Variants in DNAJC1 observed in about 807,000 individuals in gnomAD.
DNAJC1 encodes DnaJ heat shock protein family (Hsp40) member C1, also known as dnaJ homolog subfamily C member 1.
Under a neutral mutation model 76.6 loss-of-function variants are expected in DNAJC1, and 58 were observed. The ratio of observed to expected loss-of-function variants is 0.76; its 90% confidence interval spans 0.61 to 0.94. The LOEUF (loss-of-function observed/expected upper bound fraction) is 0.94, where lower values mean the gene tolerates loss of function less well. Ranked by LOEUF, DNAJC1 falls within the 40% of genes least tolerant of loss-of-function variation. The pLI, the probability that DNAJC1 is intolerant of heterozygous loss-of-function variation, is 0.00. For missense variants in DNAJC1, 689 were observed against 677.3 expected (o/e 1.02, Z -0.19); for synonymous variants, 258 against 267.9 (o/e 0.96, Z 0.36).
chr10:21,931,071 A>G (rs1837213757), intron 1 of DNAJC1, among the ~76,000 whole-genome samples: 1 of 152,184 alleles, frequency 6.6e-6, no homozygotes, highest in African/African-American at 2.4e-5. Context: ...TTTTTCTGCC[A>G]CCATATGTAC....
intron 1 of DNAJC1, among the ~76,000 whole-genome samples, chr10:21,991,281 A>T (rs1838323061): frequency 6.6e-6 from 1 of 152,180 alleles, no homozygotes. Flanking sequence ...ATATACTGTT[A>T]ATAAATAACA....
chr10:21,931,474 T>C (rs572391422), intron 1 of DNAJC1, among the ~76,000 whole-genome samples: 5 of 152,208 alleles, frequency 3.3e-5, no homozygotes, highest in Non-Finnish European at 5.9e-5. Flanking sequence ...AACTAGCTTA[T>C]GTATTTATTT....
intron 9 of DNAJC1, chr10:21,785,707 G>C (rs1167950025): frequency 6.6e-6 from 1 of 152,170 alleles, no homozygotes; most frequent in Admixed American, 6.5e-5. Flanking sequence ...CAGAGGAAAA[G>C]GCAAAGTACT....
At chr10:21,795,291 C>T (rs1036947919) in intron 9 of DNAJC1, among the ~76,000 whole-genome samples, 2 of 152,124 alleles carry the variant, frequency 1.3e-5, no homozygotes, top group African/African-American at 2.4e-5. Context: ...TATTTATGCA[C>T]ACAAATATTG....
chr10:21,759,242 C>A lies in DNAJC1; in HGVS notation c.1524G>T (p.Ala508=). 6.2e-7 allele frequency: 1 copy of A among 1,614,200 alleles called. No individual in the cohort carries two copies. Among genetic ancestry groups the A allele is most frequent in the South Asian group, 1.1e-5 (1 of 91,080 alleles). ...AGGATCCCCTTGGGTACTGCTGCAA[C>A]GCCAGTTCCAGAAGTTTCTGTTGAT... ...TQNQQKLLEL[A]LQQYPRGSSD... The change falls in exon 11 of 12, where the codon GCG becomes GCT. Residue 508 remains alanine, a synonymous_variant. Transcript: ENST00000376980.
At chr10:21,856,394 A>G (rs1036482601) in intron 8 of DNAJC1, among the ~76,000 whole-genome samples, 3 of 152,134 alleles carry the variant, frequency 2.0e-5, no homozygotes, top group African/African-American at 4.8e-5. Context: ...ATTTACATCT[A>G]TTGTTGTGTA....
intron 4 of DNAJC1, among the ~76,000 whole-genome samples, chr10:21,920,457 G>A (rs1019780261): frequency 2.6e-5 from 4 of 151,314 alleles, no homozygotes; most frequent in African/African-American, 9.7e-5. Context: ...TTATATAAAG[G>A]CCTGTGACAC....
At chr10:22,000,337 T>C (rs1244009108) in intron 1 of DNAJC1, among the ~76,000 whole-genome samples, 1 of 152,200 alleles carries the variant, frequency 6.6e-6, no homozygotes, top group African/African-American at 2.4e-5. Context: ...TCAAATCATG[T>C]ATCTTTTCTG....
intron 1 of DNAJC1, among the ~76,000 whole-genome samples, chr10:21,935,475 A>G (rs1420630524): frequency 6.6e-6 from 1 of 152,132 alleles, no homozygotes; most frequent in African/African-American, 2.4e-5. Flanking sequence ...AACAAAGCCT[A>G]AGAGACCTGT....
At chr10:21,864,473 C>A (rs1835964021) in intron 8 of DNAJC1, among the ~76,000 whole-genome samples, 1 of 151,614 alleles carries the variant, frequency 6.6e-6, no homozygotes, top group South Asian at 2.1e-4. Context: ...ATACAAAAAA[C>A]TAGCCGAGCG....
intron 9 of DNAJC1, among the ~76,000 whole-genome samples, chr10:21,783,294 A>G (rs1007386052): frequency 6.6e-6 from 1 of 152,238 alleles, no homozygotes. Context: ...GTGAACACCC[A>G]TTCACAATTG....
Position 21,820,287 on chromosome 10 carries a change from C to G in DNAJC1, c.979-14188G>C, listed in dbSNP as rs377127191. Among the ~76,000 whole-genome samples, 18 of 151,866 alleles carry G rather than the reference C, an allele frequency of 1.2e-4. No individual in the cohort carries two copies. In the East Asian group the frequency reaches 1.5e-3, roughly 13 times the overall value. On this transcript the variant is annotated intron_variant, in intron 8 of 11. Coordinates refer to ENST00000376980, the MANE Select transcript of DNAJC1 (RefSeq NM_022365.4). ...TTTACTGCTGAAAAATATTCTATGTCTGGGGGGGATATGCCACATTTTGTC... is the reference window on the plus strand; with the variant it reads ...TTTACTGCTGAAAAATATTCTATGTGTGGGGGGGATATGCCACATTTTGTC...
At chr10:21,836,634 T>C (rs1160007064) in intron 8 of DNAJC1, among the ~76,000 whole-genome samples, 11 of 151,976 alleles carry the variant, frequency 7.2e-5, no homozygotes, top group Admixed American at 7.2e-4. Context: ...TGGAGGAAGA[T>C]CTACCAAGCA....
chr10:21,918,428 G>C (rs1053929068), intron 6 of DNAJC1, among the ~76,000 whole-genome samples: 1 of 149,814 alleles, frequency 6.7e-6, no homozygotes, highest in Non-Finnish European at 1.5e-5. Context: ...AAAATAATGG[G>C]TGGCAAGCTA....
intron 1 of DNAJC1, among the ~76,000 whole-genome samples, chr10:22,002,392 A>G (rs1838533233): frequency 6.6e-6 from 1 of 151,942 alleles, no homozygotes; most frequent in South Asian, 2.1e-4. Flanking sequence ...ACCACCCTCA[A>G]TGGTAGAACT....
intron 1 of DNAJC1, among the ~76,000 whole-genome samples, chr10:21,983,335 T>C (rs1211279291): frequency 6.6e-6 from 1 of 152,214 alleles, no homozygotes; most frequent in Non-Finnish European, 1.5e-5. Context: ...GAAGACATTA[T>C]GAAGACAAGT....
intron 8 of DNAJC1, among the ~76,000 whole-genome samples, chr10:21,858,693 C>T (rs1282670965): frequency 1.3e-5 from 2 of 152,102 alleles, no homozygotes; most frequent in African/African-American, 4.8e-5. Context: ...CATTGCAGCC[C>T]TAGGGAGAGA....
At chr10:21,938,920 C>G (rs1391364790) in intron 1 of DNAJC1, among the ~76,000 whole-genome samples, 1 of 152,180 alleles carries the variant, frequency 6.6e-6, no homozygotes, top group Non-Finnish European at 1.5e-5. Context: ...GAGACGGAGT[C>G]TCGCTCTGTG....
At chr10:21,882,745 T>C (rs1836301618) in intron 7 of DNAJC1, among the ~76,000 whole-genome samples, 1 of 152,198 alleles carries the variant, frequency 6.6e-6, no homozygotes, top group African/African-American at 2.4e-5. Context: ...CAATTTAATA[T>C]TGTAACCCTA....
Sources: gnomAD v4.1 joint callset for allele counts (sites outside exome capture counted in the v4.1 genomes callset) on GRCh38, gnomAD v4.1.1 for gene constraint, MANE v1.5 for transcripts, NCBI Gene and HGNC (gene_info 2026-07-23, HGNC 2026-07-21) for gene names.